The following HEATR5A variants were observed in gnomAD, a reference collection of about 807,000 sequenced individuals.
The protein encoded by HEATR5A is HEAT repeat containing 5A.
Under a neutral mutation model 218.8 loss-of-function variants are expected in HEATR5A, and 178 were observed. The observed-to-expected ratio is 0.81, with a 90% CI of 0.72 to 0.92. The LOEUF (loss-of-function observed/expected upper bound fraction) is 0.92. Among genes scored for constraint, HEATR5A ranks in the 40% least tolerant of loss-of-function variants. The pLI is 0.00. For synonymous variants in HEATR5A, 864 were observed against 871.6 expected (o/e 0.99, Z 0.15); for missense variants, 2,420 against 2,418.9 (o/e 1.00, Z -0.01).
chr14:31,313,519 T>C (rs1272641298), intron 27 of HEATR5A, among the ~76,000 whole-genome samples: 1 of 152,220 alleles, frequency 6.6e-6, no homozygotes, highest in East Asian at 1.9e-4. Context: ...AACATACAGC[T>C]ACAGGTAGCC....
At chr14:31,376,369 T>G (rs1288422173) in intron 11 of HEATR5A, among the ~76,000 whole-genome samples, 1 of 152,084 alleles carries the variant, frequency 6.6e-6, no homozygotes, top group African/African-American at 2.4e-5. Context: ...AAAAGTTAGT[T>G]GGGTGTGGTA....
chr14:31,316,644 T>C (rs746227277), intron 26 of HEATR5A, among the ~76,000 whole-genome samples: 8 of 152,232 alleles, frequency 5.3e-5, no homozygotes, highest in Non-Finnish European at 8.8e-5. Flanking sequence ...TCATTAATTC[T>C]ACAATGCAAA....
At chr14:31,367,793 G>A (rs1039947957) in intron 13 of HEATR5A, among the ~76,000 whole-genome samples, 1 of 151,626 alleles carries the variant, frequency 6.6e-6, no homozygotes, top group East Asian at 1.9e-4. Flanking sequence ...ACGTCAAAAG[G>A]CTTAATCTAA....
At position 31,292,210 on chromosome 14, in the gene HEATR5A, T is replaced by C. The variant is rs1182450840; in HGVS notation, c.*1095A>G. Reference sequence around the variant, plus strand: ...TAAATTTGGCATTTATATAAACCCATAGTTGATCTAAATACAATGTAGATA... The same window carrying C: ...TAAATTTGGCATTTATATAAACCCACAGTTGATCTAAATACAATGTAGATA... On this transcript the variant is annotated 3_prime_UTR_variant, in exon 36 of 36. Transcript: ENST00000543095. 7 of 152,188 alleles carry C rather than the reference T, an allele frequency of 4.6e-5. No individual in the cohort carries two copies. The highest frequency in any genetic ancestry group is 2.0e-4 in the Admixed American group (3 of 15,274). 9.4% of individuals were successfully genotyped at this position (152,188 alleles called of 1,614,324 possible).
chr14:31,386,689 A>G, intron 8 of HEATR5A, 114 bp from the exon 9 acceptor site: 1 of 842,352 alleles, frequency 1.2e-6, no homozygotes, highest in Non-Finnish European at 1.8e-6. Context: ...CTTGATCTAT[A>G]TGAAATACTT....
Position 31,313,158 on chromosome 14 carries a change from G to T in HEATR5A, c.4251C>A (p.Asn1417Lys), listed in dbSNP as rs1164229949. 2 of 1,613,700 alleles carry T rather than the reference G, an allele frequency of 1.2e-6. No individual in the cohort carries two copies. Among genetic ancestry groups the T allele is most frequent in the Non-Finnish European group, 8.5e-7 (1 of 1,179,658 alleles). Reference protein sequence around the residue: ...VYIIAVQRHKNHRQPLKTTTC... With the variant: ...VYIIAVQRHKKHRQPLKTTTC... ...TGGTAGTCTTCAAAGGTTGTCTGTG[G>T]TTTTTATGTCTTTGCACAGCAATTA... The change falls in exon 28 of 36, where the codon AAC becomes AAA. Residue 1417 changes from asparagine to lysine, a missense_variant. Physicochemically the swap from Asn to Lys is moderately conservative, Grantham distance 94. Coordinates refer to ENST00000543095, the MANE Select transcript of HEATR5A (RefSeq NM_015473.4).
chr14:31,383,407 G>T, intron 10 of HEATR5A, 114 bp downstream of exon 10: 1 of 945,036 alleles, frequency 1.1e-6, no homozygotes, highest in Non-Finnish European at 1.6e-6. Flanking sequence ...GTACTTATAT[G>T]GCAGGGCTAG....
intron 11 of HEATR5A, among the ~76,000 whole-genome samples, chr14:31,379,385 G>A (rs2029892848): frequency 6.6e-6 from 1 of 151,840 alleles, no homozygotes; most frequent in African/African-American, 2.4e-5. Flanking sequence ...CGAGTAGCTG[G>A]GACTACAGGC....
chr14:31,301,883 T>C (rs1230652076), intron 33 of HEATR5A, among the ~76,000 whole-genome samples: 1 of 149,850 alleles, frequency 6.7e-6, no homozygotes, highest in Admixed American at 6.6e-5. Context: ...AATGGCGTGA[T>C]CTTGGCTCCC....
chr14:31,324,807 T>C (rs767173565), intron 23 of HEATR5A, among the ~76,000 whole-genome samples: 88 of 151,468 alleles, frequency 5.8e-4, no homozygotes, highest in Non-Finnish European at 8.8e-4. Context: ...TCTTGAGTAG[T>C]GGGGAACAGA....
rs753616058 is a variant in HEATR5A, at chr14:31,364,227, TAA to T, written c.2031_2032del (p.Tyr678Ter). Reference sequence around the variant, plus strand: ...AGGAGGTAATAAAATCAACAGTTCATAAAGTCTTTGTCTATAAACCACTGACG... The same window carrying T: ...AGGAGGTAATAAAATCAACAGTTCATAGTCTTTGTCTATAAACCACTGACG... On this transcript the variant is annotated frameshift_variant, in exon 14 of 36. Coordinates refer to ENST00000543095, the MANE Select transcript of HEATR5A (RefSeq NM_015473.4). LOFTEE classifies it high-confidence loss of function. 1.0e-5 allele frequency: 16 copies of T among 1,552,906 alleles called. No individual in the cohort carries two copies. The highest frequency in any genetic ancestry group is 1.3e-5 in the Non-Finnish European group (15 of 1,145,000).
chr14:31,348,013 G>A, intron 18 of HEATR5A, 106 bp from the exon 19 acceptor site: 5 of 593,740 alleles, frequency 8.4e-6, no homozygotes, highest in Non-Finnish European at 1.3e-5. Flanking sequence ...TATATGGATA[G>A]TTGCAAAATT....
rs533002611 is a variant in HEATR5A, at chr14:31,402,855, T to C, written c.121A>G (p.Ser41Gly). Residue 41 changes from serine to glycine, a missense_variant, in exon 2 of 36, where the codon AGC (serine) becomes GGC (glycine). By Grantham distance (56) the Ser-to-Gly change is moderately conservative (BLOSUM62 0). Transcript: ENST00000543095. ...RYLEKLLLAT[S>G]RNDVREKQKT... ...GATGTTGTCATTTTACCCACCCTGC[T>C]GGTTGCCAACAAGAGCTTCTCCAAG... 203 of 1,536,610 alleles carry C rather than the reference T, an allele frequency of 1.3e-4. No individual in the cohort carries two copies. The South Asian group carries it at 2.0e-3, about 15-fold the overall frequency.
In HEATR5A at chr14:31,395,789, A is replaced by G. The variant is rs546054100; in HGVS notation, c.448-441T>C. On this transcript the variant is annotated intron_variant, in intron 4 of 35. Coordinates refer to ENST00000543095, the MANE Select transcript of HEATR5A (RefSeq NM_015473.4). ...TGTAAGGAATAAATGAGTCATACAC[A>G]CAAAGTGCTTACAACAAGCCCAGAC... 2.6e-5 allele frequency among the ~76,000 whole-genome samples: 4 copies of G among 152,362 alleles called. No homozygotes were observed. In the South Asian group the frequency reaches 8.3e-4, roughly 32 times the overall value.
Position 31,411,641 on chromosome 14 carries a change from G to A in HEATR5A, c.-74-8592C>T, listed in dbSNP as rs117447581. 3.6e-4 allele frequency among the ~76,000 whole-genome samples: 55 copies of A among 152,206 alleles called. No individual in the cohort carries two copies. In the East Asian group the frequency reaches 0.01, roughly 28 times the overall value. ...CTCCATACATGTAACATGGTAATGT[G>A]CACTATGTACTGCCAAGAGGGTGTG... On this transcript the variant is annotated intron_variant, in intron 1 of 35. Coordinates refer to ENST00000543095, the MANE Select transcript of HEATR5A (RefSeq NM_015473.4).
Position 31,292,975 on chromosome 14 carries a change from C to T in HEATR5A, c.*330G>A. On this transcript the variant is annotated 3_prime_UTR_variant, in exon 36 of 36. Transcript: ENST00000543095. ...ATATCTGTCACAGTATTAAGTATACCACATATGTATGGACTGTTAGAAGAA... is the reference window on the plus strand; with the variant it reads ...ATATCTGTCACAGTATTAAGTATACTACATATGTATGGACTGTTAGAAGAA... 4.8e-6 allele frequency: 1 copy of T among 208,700 alleles called. No individual in the cohort carries two copies. The highest frequency in any genetic ancestry group is 9.6e-6 in the Non-Finnish European group (1 of 104,064). 12.9% of individuals were successfully genotyped at this position (208,700 alleles called of 1,614,324 possible). A position where few individuals can be genotyped will look rare whatever the true frequency, so the allele number is the denominator to read the frequency against.
chr14:31,308,021 C>T lies in HEATR5A; in HGVS notation c.4691-1G>A. ...GAACATAGAAATTCCACGCTGATTC[C>T]TGTGGAAAGCAAAAAAAGAGGAGGA... On this transcript the variant is annotated splice_acceptor_variant, in intron 29 of 35. Transcript: ENST00000543095. LOFTEE classifies it high-confidence loss of function. 1.3e-6 allele frequency: 2 copies of T among 1,594,366 alleles called. No homozygotes were observed. The highest frequency in any genetic ancestry group is 1.2e-5 in the South Asian group (1 of 86,254).
At chr14:31,314,073 A>C in intron 27 of HEATR5A, among the ~76,000 whole-genome samples, 1 of 150,118 alleles carries the variant, frequency 6.7e-6, no homozygotes, top group Admixed American at 6.6e-5. Context: ...TCAGCTTCCC[A>C]AGTAGCTGGG....
intron 12 of HEATR5A, among the ~76,000 whole-genome samples, chr14:31,373,349 ATGGAGTTTCACTCTTGTTGTCCAGGC>A: frequency 7.0e-6 from 1 of 143,702 alleles, no homozygotes; most frequent in East Asian, 2.0e-4. Context: ...TTTTTCTGAG[ATGGAGTTTCACTCTTGTTGTCCAGGC>A]TGGAGTGCAA....
Sources: allele counts gnomAD v4.1 joint callset (sites outside exome capture counted in the v4.1 genomes callset), GRCh38; gene constraint gnomAD v4.1.1; transcripts MANE v1.5; gene names NCBI Gene and HGNC (gene_info 2026-07-23, HGNC 2026-07-21).